The following NTRK2 variants were observed in gnomAD, a reference collection of about 807,000 sequenced individuals.
NTRK2 encodes neurotrophic receptor tyrosine kinase 2.
A neutral mutation model predicts 94.5 loss-of-function variants in NTRK2; 13 were observed. That is an observed-to-expected ratio of 0.14 (90% CI 0.09 to 0.22). NTRK2 has a LOEUF of 0.22. NTRK2 is among the 10% of genes least tolerant of loss of function. The pLI is 1.00. For synonymous variants in NTRK2, 372 were observed against 407.4 expected (o/e 0.91, Z 1.05); for missense variants, 639 against 1,071.2 (o/e 0.60, Z 5.63).
chr9:84,894,183 A>AGGG (rs1399754939), intron 14 of NTRK2, among the ~76,000 whole-genome samples: 866 of 18,426 alleles, frequency 0.047, 18 homozygotes, highest in African/African-American at 0.1. Flanking sequence ...TATTTTTATA[A>AGGG]CACATTGAAT....
chr9:84,707,330 C>A (rs1361714995), intron 4 of NTRK2, among the ~76,000 whole-genome samples: 1 of 152,090 alleles, frequency 6.6e-6, no homozygotes, highest in African/African-American at 2.4e-5. Context: ...CATATGTAAA[C>A]AATCTCAGTA....
chr9:84,909,169 C>G lies in NTRK2; in HGVS notation c.1634-24993C>G, dbSNP rs183004124. 6.1e-4 allele frequency among the ~76,000 whole-genome samples: 93 copies of G among 152,194 alleles called. 2 individuals carry two copies. The East Asian group carries it at 0.018, about 29-fold the overall frequency. On this transcript the variant is annotated intron_variant, in intron 14 of 18. Coordinates refer to ENST00000277120, the MANE Select transcript of NTRK2 (RefSeq NM_006180.6). Reference sequence around the variant, plus strand: ...ATAATGTTATATATATGGAGTCATTCAGGATGTAAACTTTTGGATTTTTAA... The same window carrying G: ...ATAATGTTATATATATGGAGTCATTGAGGATGTAAACTTTTGGATTTTTAA...
intron 12 of NTRK2, among the ~76,000 whole-genome samples, chr9:84,757,750 GATTT>G (rs1249232413): frequency 1.3e-5 from 2 of 152,008 alleles, no homozygotes; most frequent in African/African-American, 2.4e-5. Flanking sequence ...GACAAATTAT[GATTT>G]ATTTGACTTT....
intron 12 of NTRK2, among the ~76,000 whole-genome samples, chr9:84,766,306 G>C (rs1406532378): frequency 2.0e-5 from 3 of 152,124 alleles, no homozygotes; most frequent in African/African-American, 7.2e-5. Flanking sequence ...CAGAGTGGGG[G>C]CCTGGGGAGG....
chr9:84,976,016 G>A (rs540317988), intron 17 of NTRK2, among the ~76,000 whole-genome samples: 1 of 152,220 alleles, frequency 6.6e-6, no homozygotes, highest in South Asian at 2.1e-4. Flanking sequence ...TCTGCCTTTT[G>A]GTAGAAGGAC....
intron 14 of NTRK2, among the ~76,000 whole-genome samples, chr9:84,870,331 G>GTGTGTGTGTATATA (rs1349303529): frequency 3.2e-4 from 10 of 31,180 alleles, no homozygotes; most frequent in South Asian, 3.0e-3. Flanking sequence ...GTGTGTGTGT[G>GTGTGTGTGTATATA]TATATATATA....
intron 4 of NTRK2, among the ~76,000 whole-genome samples, chr9:84,704,127 CT>C (rs748036223): frequency 8.6e-5 from 13 of 150,976 alleles, no homozygotes; most frequent in Admixed American, 6.6e-4. Flanking sequence ...GATTACTTTA[CT>C]TTGTATATTT....
At chr9:84,788,929 C>T (rs1001974863) in intron 12 of NTRK2, among the ~76,000 whole-genome samples, 1 of 152,144 alleles carries the variant, frequency 6.6e-6, no homozygotes, top group Non-Finnish European at 1.5e-5. Context: ...AGGTAAGTAG[C>T]GCATCCTCTA....
At chr9:84,860,435 ATCCATG>A (rs774377192) in intron 12 of NTRK2, among the ~76,000 whole-genome samples, 3 of 152,164 alleles carry the variant, frequency 2.0e-5, no homozygotes, top group Non-Finnish European at 4.4e-5. Context: ...AGGAGCGAGA[ATCCATG>A]TAGAATTAAG....
intron 12 of NTRK2, among the ~76,000 whole-genome samples, chr9:84,765,591 A>G (rs1361135780): frequency 6.6e-5 from 10 of 152,174 alleles, no homozygotes; most frequent in Admixed American, 6.5e-4. Flanking sequence ...CTCCAGCTTC[A>G]GTGTTTTCTG....
chr9:84,796,916 T>C lies in NTRK2; in HGVS notation c.1396+44831T>C, dbSNP rs2069399056. ...GAATTACCCCCTACTTGCCAAAACATGCTGGAAATGTTTTATTGGCTTAAT... is the reference window on the plus strand; with the variant it reads ...GAATTACCCCCTACTTGCCAAAACACGCTGGAAATGTTTTATTGGCTTAAT... On this transcript the variant is annotated intron_variant, in intron 12 of 18. Coordinates refer to ENST00000277120, the MANE Select transcript of NTRK2 (RefSeq NM_006180.6). 2.0e-5 allele frequency among the ~76,000 whole-genome samples: 3 copies of C among 152,292 alleles called. No individual in the cohort carries two copies. In the South Asian group the frequency reaches 6.2e-4, roughly 32 times the overall value.
intron 17 of NTRK2, among the ~76,000 whole-genome samples, chr9:85,015,362 GA>G (rs1320375613): frequency 6.6e-6 from 1 of 152,124 alleles, no homozygotes; most frequent in Non-Finnish European, 1.5e-5. Flanking sequence ...GAGAAGTTAT[GA>G]ATTTCTTATT....
intron 13 of NTRK2, among the ~76,000 whole-genome samples, chr9:84,864,130 T>G (rs903564376): frequency 6.6e-6 from 1 of 152,170 alleles, no homozygotes; most frequent in Non-Finnish European, 1.5e-5. Context: ...GGTATCAGCC[T>G]CCTCAAAAAT....
chr9:84,987,164 G>A (rs183798889), intron 17 of NTRK2, among the ~76,000 whole-genome samples: 99 of 152,288 alleles, frequency 6.5e-4, no homozygotes, highest in Non-Finnish European at 9.6e-4. Context: ...CAGCCCTGTA[G>A]CCTAATACCA....
chr9:84,767,954 A>G (rs755573855), intron 12 of NTRK2, among the ~76,000 whole-genome samples: 4 of 152,252 alleles, frequency 2.6e-5, no homozygotes, highest in Non-Finnish European at 5.9e-5. Flanking sequence ...ATATTACCAG[A>G]AAACCAGCAT....
At chr9:84,713,359 G>A (rs902489137) in intron 6 of NTRK2, among the ~76,000 whole-genome samples, 3 of 152,014 alleles carry the variant, frequency 2.0e-5, no homozygotes, top group Non-Finnish European at 4.4e-5. Context: ...ATTTAAATAT[G>A]TATTTTCTGC....
At chr9:84,697,127 G>A (rs755161853) in intron 2 of NTRK2, among the ~76,000 whole-genome samples, 2 of 152,268 alleles carry the variant, frequency 1.3e-5, no homozygotes, top group Non-Finnish European at 2.9e-5. Context: ...CAAAAAATCC[G>A]AATTCACCAT....
chr9:84,894,631 A>AAATT (rs2076705566), intron 14 of NTRK2, among the ~76,000 whole-genome samples: 1 of 152,216 alleles, frequency 6.6e-6, no homozygotes, highest in Non-Finnish European at 1.5e-5. Context: ...TAGTCTTGTA[A>AAATT]AATTATTATC....
chr9:84,868,974 G>A (rs2075719294), intron 14 of NTRK2, among the ~76,000 whole-genome samples: 1 of 152,154 alleles, frequency 6.6e-6, no homozygotes, highest in South Asian at 2.1e-4. Flanking sequence ...TTCCTTTGTG[G>A]AGGGAGGAAA....
Sources: gnomAD v4.1 joint callset for allele counts (sites outside exome capture counted in the v4.1 genomes callset) on GRCh38, gnomAD v4.1.1 for gene constraint, MANE v1.5 for transcripts, NCBI Gene and HGNC (gene_info 2026-07-23, HGNC 2026-07-21) for gene names.